SOX13: variants seen among roughly 807,000 people sequenced by gnomAD.
SOX13 encodes SRY-box transcription factor 13, also known as transcription factor SOX-13.
A neutral mutation model predicts 71.8 loss-of-function variants in SOX13; 28 were observed. That is an observed-to-expected ratio of 0.39 (90% CI 0.29 to 0.53). The LOEUF (loss-of-function observed/expected upper bound fraction) is 0.53, where lower values mean the gene tolerates loss of function less well. SOX13 is among the 20% of genes least tolerant of loss of function. The pLI, the probability that SOX13 is intolerant of heterozygous loss-of-function variation, is 0.70. For synonymous variants in SOX13, 309 were observed against 317.8 expected (o/e 0.97, Z 0.29); for missense variants, 627 against 810.3 (o/e 0.77, Z 2.75).
chr1:204,073,369 G>C lies in SOX13; in HGVS notation c.-344G>C, dbSNP rs1380873595. On this transcript the variant is annotated 5_prime_UTR_variant, in exon 1 of 14. Transcript: ENST00000367204. The surrounding 1 kb of genome is among the most constrained non-coding windows in gnomAD (Gnocchi z 6.8). ...CCGACGAGTCGCAGAGCAGGACCGC[G>C]GAAGGCAGGGAGACGGCCGCAAGCC... 5 of 152,416 alleles carry C rather than the reference G, an allele frequency of 3.3e-5. No homozygotes were observed. Among genetic ancestry groups the C allele is most frequent in the Non-Finnish European group, 7.3e-5 (5 of 68,222 alleles). The allele number at this position is 152,416 out of a possible 1,614,324, so 9.4% of individuals were successfully genotyped here.
chr1:204,093,512 G>A (rs545141634), intron 1 of SOX13, among the ~76,000 whole-genome samples: 2 of 152,326 alleles, frequency 1.3e-5, no homozygotes, highest in African/African-American at 4.8e-5. Context: ...AAGTGAAGGC[G>A]GTGGCATGGG....
chr1:204,121,620 T>C (rs978173883), intron 7 of SOX13, among the ~76,000 whole-genome samples: 2 of 152,154 alleles, frequency 1.3e-5, no homozygotes, highest in Non-Finnish European at 2.9e-5. Flanking sequence ...CCTCTCTCAT[T>C]GTGCCATTGG....
At chr1:204,102,005 T>G (rs930782417) in intron 1 of SOX13, among the ~76,000 whole-genome samples, 2 of 152,236 alleles carry the variant, frequency 1.3e-5, no homozygotes, top group African/African-American at 2.4e-5. Flanking sequence ...AGGACCAGCC[T>G]GGGCAACATG....
chr1:204,104,610 A>G (rs1318136540), intron 1 of SOX13, among the ~76,000 whole-genome samples: 5 of 152,228 alleles, frequency 3.3e-5, no homozygotes, highest in Non-Finnish European at 5.9e-5. Context: ...CCCCTGCTGC[A>G]TGGATCTCTT....
chr1:204,089,489 C>T (rs1451778751), intron 1 of SOX13, among the ~76,000 whole-genome samples: 1 of 152,160 alleles, frequency 6.6e-6, no homozygotes, highest in African/African-American at 2.4e-5. Flanking sequence ...CTTGAGGCAG[C>T]GGGGCCTGGG....
rs560927485 is a variant in SOX13, at chr1:204,090,982, C to T, written c.-2+17271C>T. Among the ~76,000 whole-genome samples, 19 of 152,174 alleles carry T rather than the reference C, an allele frequency of 1.2e-4. No homozygotes were observed. The South Asian group carries it at 1.5e-3, about 12-fold the overall frequency. On this transcript the variant is annotated intron_variant, in intron 1 of 13. Transcript: ENST00000367204. ...GTTAGAAGGAACCTTGGACACGGGC[C>T]GAGGAGCTAGGACTTTGTTGACAAT... is the stretch of plus-strand genomic sequence containing the variant.
chr1:204,089,289 A>T (rs1228528683), intron 1 of SOX13, among the ~76,000 whole-genome samples: 1 of 152,092 alleles, frequency 6.6e-6, no homozygotes, highest in Non-Finnish European at 1.5e-5. Flanking sequence ...AGCACAGGGC[A>T]TTTTGAGCCC....
intron 1 of SOX13, among the ~76,000 whole-genome samples, chr1:204,082,456 G>C (rs543956922): frequency 6.6e-6 from 1 of 152,286 alleles, no homozygotes; most frequent in East Asian, 1.9e-4. Flanking sequence ...CCCCAAGCAC[G>C]TTGGGGTTTC....
At chr1:204,124,042 T>G (rs1656868659) in intron 12 of SOX13, among the ~76,000 whole-genome samples, 2 of 152,216 alleles carry the variant, frequency 1.3e-5, no homozygotes, top group African/African-American at 4.8e-5. Flanking sequence ...TGTGTGTGTT[T>G]ACATTCTTTA....
chr1:204,076,071 C>G (rs957016349), intron 1 of SOX13, among the ~76,000 whole-genome samples: 3 of 152,006 alleles, frequency 2.0e-5, no homozygotes, highest in Admixed American at 1.3e-4. Flanking sequence ...AGTCTTTTTT[C>G]TTTTTCTTGT....
At position 204,123,837 on chromosome 1, in the gene SOX13, G is replaced by A. The variant is rs2102267153; in HGVS notation, c.1375+33G>A. 1.9e-6 allele frequency: 3 copies of A among 1,611,120 alleles called. No homozygotes were observed. Among genetic ancestry groups the A allele is most frequent in the East Asian group, 2.2e-5 (1 of 44,794 alleles). ...CCAGTGGCTGGGGCCATGGTTCAGT[G>A]TGACCTGGTTGCAGGAGCCAGCTGG... On this transcript the variant is annotated intron_variant, in intron 12 of 13. Coordinates refer to ENST00000367204, the MANE Select transcript of SOX13 (RefSeq NM_005686.3). This position sits in a 1 kb window ranked among gnomAD's most constrained non-coding sequence, Gnocchi z 5.0.
At position 204,079,731 on chromosome 1, in the gene SOX13, T is replaced by C. The variant is rs143823925; in HGVS notation, c.-2+6020T>C. On this transcript the variant is annotated intron_variant, in intron 1 of 13. Transcript: ENST00000367204. ...GGGTGGCAGGGGGTCCTTCCTGCTT[T>C]AGGAATGCCCTGAGGCCTGCCTCCC... Among the ~76,000 whole-genome samples, 6 of 152,222 alleles carry C rather than the reference T, an allele frequency of 3.9e-5. No homozygotes were observed. The East Asian group carries it at 1.2e-3, about 30-fold the overall frequency.
At chr1:204,079,136 G>A (rs1571562128) in intron 1 of SOX13, among the ~76,000 whole-genome samples, 1 of 151,912 alleles carries the variant, frequency 6.6e-6, no homozygotes, top group Non-Finnish European at 1.5e-5. Context: ...GTCTCTACTA[G>A]AAATACAAAA....
chr1:204,109,615 G>A (rs770618067), intron 1 of SOX13, among the ~76,000 whole-genome samples: 14 of 152,114 alleles, frequency 9.2e-5, no homozygotes, highest in Non-Finnish European at 2.1e-4. Context: ...GAAATTGCCT[G>A]GTGATGCATT....
chr1:204,117,644 C>T lies in SOX13; in HGVS notation c.712C>T (p.Pro238Ser). The T allele has an allele frequency of 1.9e-6, 3 of 1,613,858 alleles. No individual in the cohort carries two copies. The highest frequency in any genetic ancestry group is 2.5e-6 in the Non-Finnish European group (3 of 1,179,848). Reference protein sequence around the residue: ...MIPAFPPSHQPLPVTPDSQLA... With the variant: ...MIPAFPPSHQSLPVTPDSQLA... ...CCCAGCCTTCCCCCCAAGCCACCAA[C>T]CTCTGCCTGTCACCCCTGACTCCCA... Residue 238 changes from proline (P) to serine (S), a missense_variant, in exon 7 of 14, where the codon CCT (proline) becomes TCT (serine). Physicochemically the swap from Pro to Ser is moderately conservative, Grantham distance 74 (BLOSUM62 -1). Transcript: ENST00000367204.
At chr1:204,078,492 G>T (rs1396031184) in intron 1 of SOX13, among the ~76,000 whole-genome samples, 1 of 152,216 alleles carries the variant, frequency 6.6e-6, no homozygotes, top group Admixed American at 6.5e-5. Context: ...GGCCGGCCAG[G>T]CACACAGTAA....
Position 204,125,861 on chromosome 1 carries a change from G to T in SOX13, c.1596G>T (p.Pro532=). 3 of 1,608,238 alleles carry T rather than the reference G, an allele frequency of 1.9e-6. No homozygotes were observed. Among genetic ancestry groups the T allele is most frequent in the Non-Finnish European group, 1.7e-6 (2 of 1,178,170 alleles). ...GTTCCCCTTCTCTGCCCCACAGCCC[G>T]CAGGCTGGCCAGGTGCAGATGAGCT... ...QDARQSYVIP[P]QAGQVQMSSS... The change falls in exon 14 of 14, where the codon CCG becomes CCT. Residue 532 remains proline, a synonymous_variant. Transcript: ENST00000367204.
rs1655896000 is a variant in SOX13 at position 204,081,041 on chromosome 1, AG to A, written c.-2+7331del. On this transcript the variant is annotated intron_variant, in intron 1 of 13. Transcript: ENST00000367204. This position sits in a 1 kb window ranked among gnomAD's most constrained non-coding sequence, Gnocchi z 4.3. ...ATTCTCCTGCCTCAGCCTCCTGAGT[AG>A]CTGGGATTACAGGCATGCGCGACCA... Among the ~76,000 whole-genome samples, 1 of 151,264 alleles carries A rather than the reference AG, an allele frequency of 6.6e-6. No homozygotes were observed. Among genetic ancestry groups the A allele is most frequent in the Admixed American group, 6.6e-5 (1 of 15,106 alleles).
At chr1:204,111,034 T>C (rs1571585736) in intron 1 of SOX13, among the ~76,000 whole-genome samples, 4 of 152,332 alleles carry the variant, frequency 2.6e-5, no homozygotes, top group South Asian at 2.1e-4. Context: ...GAGGGACTTA[T>C]GACTTTGCCT....
Sources: allele counts gnomAD v4.1 joint callset (sites outside exome capture counted in the v4.1 genomes callset), GRCh38; gene constraint gnomAD v4.1.1; non-coding constraint Gnocchi (gnomAD v3.1); transcripts MANE v1.5; gene names NCBI Gene and HGNC (gene_info 2026-07-23, HGNC 2026-07-21).